The following MACROH2A2 variants were observed in gnomAD, a reference collection of about 807,000 sequenced individuals.
The protein encoded by MACROH2A2 is macroH2A.2 histone.
A neutral mutation model predicts 37.6 loss-of-function variants in MACROH2A2; 6 were observed. The ratio of observed to expected loss-of-function variants is 0.16; its 90% CI spans 0.09 to 0.32. The LOEUF is 0.32. MACROH2A2 is among the 10% of genes least tolerant of loss of function. The probability of loss-of-function intolerance (pLI) is 1.00; values close to 1 mark genes in which losing one functional copy is unlikely to be tolerated. For synonymous variants in MACROH2A2, 192 were observed against 202.7 expected (o/e 0.95, Z 0.45); for missense variants, 290 against 485.9 (o/e 0.60, Z 3.79).
At chr10:70,055,608 A>G (rs1438018418) in intron 1 of MACROH2A2, among the ~76,000 whole-genome samples, 1 of 152,222 alleles carries the variant, frequency 6.6e-6, no homozygotes, top group East Asian at 1.9e-4. Context: ...AGCCTAGGAG[A>G]TAAAATATAC....
chr10:70,083,531 T>G (rs2072193902), intron 2 of MACROH2A2, among the ~76,000 whole-genome samples: 1 of 151,998 alleles, frequency 6.6e-6, no homozygotes, highest in Admixed American at 6.6e-5. Flanking sequence ...ACACTGCCTC[T>G]GGAAGGCAAC....
chr10:70,082,276 G>A (rs150871171), intron 2 of MACROH2A2, among the ~76,000 whole-genome samples: 2,938 of 152,116 alleles, frequency 0.019, 106 homozygotes, highest in African/African-American at 0.067. Context: ...AAAATTAGCC[G>A]GGTGTGGTGG....
At chr10:70,061,722 GAATGATTTGTTATCCAATAGTAT>G (rs1029337620) in intron 1 of MACROH2A2, among the ~76,000 whole-genome samples, 1 of 152,142 alleles carries the variant, frequency 6.6e-6, no homozygotes, top group African/African-American at 2.4e-5. Flanking sequence ...TTTTAAAAGG[GAATGATTTGTTATCCAATAGTAT>G]AATTTAAATA....
chr10:70,065,120 C>G (rs1034059995), intron 1 of MACROH2A2, among the ~76,000 whole-genome samples: 2 of 151,166 alleles, frequency 1.3e-5, no homozygotes, highest in East Asian at 3.9e-4. Context: ...GACCTTGGCT[C>G]ACTGCAACCT....
intron 1 of MACROH2A2, among the ~76,000 whole-genome samples, chr10:70,067,212 ACAGTTTTT>A (rs2072084674): frequency 6.6e-6 from 1 of 152,164 alleles, no homozygotes; most frequent in Non-Finnish European, 1.5e-5. Context: ...TCCCCTAAGC[ACAGTTTTT>A]CAGTTTTTGC....
At chr10:70,081,118 G>C (rs11596821) in intron 2 of MACROH2A2, among the ~76,000 whole-genome samples, 1 of 144,876 alleles carries the variant, frequency 6.9e-6, no homozygotes, top group East Asian at 2.1e-4. Context: ...AGAGTGGATA[G>C]AAATGCTGGA....
intron 3 of MACROH2A2, 46 bp from the exon 4 acceptor site, chr10:70,091,711 A>C: frequency 7.8e-7 from 1 of 1,284,652 alleles, no homozygotes; most frequent in Non-Finnish European, 1.1e-6. Context: ...GAAATTGGGA[A>C]CTAGCAGGCT....
chr10:70,069,790 C>T (rs913630476), intron 1 of MACROH2A2, among the ~76,000 whole-genome samples: 2 of 151,938 alleles, frequency 1.3e-5, no homozygotes, highest in East Asian at 1.9e-4. Flanking sequence ...ACCGAGACTC[C>T]AATTACCAGG....
chr10:70,058,636 T>TTA (rs35874210), intron 1 of MACROH2A2, among the ~76,000 whole-genome samples: 1,824 of 150,114 alleles, frequency 0.012, 14 homozygotes, highest in Middle Eastern at 0.066. Flanking sequence ...ACTGCCAATT[T>TTA]TATATATATA....
chr10:70,064,989 A>G (rs544601988), intron 1 of MACROH2A2, among the ~76,000 whole-genome samples: 1 of 151,578 alleles, frequency 6.6e-6, no homozygotes, highest in African/African-American at 2.4e-5. Flanking sequence ...AAGCTCTTCT[A>G]TCTGCCTATA....
At chr10:70,058,414 G>A (rs1354239944) in intron 1 of MACROH2A2, among the ~76,000 whole-genome samples, 1 of 152,202 alleles carries the variant, frequency 6.6e-6, no homozygotes, top group Non-Finnish European at 1.5e-5. Context: ...GATGTCAGAA[G>A]GGTTAGATAC....
chr10:70,086,293 GAAA>G (rs56120002), intron 2 of MACROH2A2, among the ~76,000 whole-genome samples: 12 of 133,566 alleles, frequency 9.0e-5, no homozygotes, highest in East Asian at 4.2e-4. Flanking sequence ...TCTCTCTAAG[GAAA>G]AAAAAAAAAA....
chr10:70,091,932 C>G lies in MACROH2A2; in HGVS notation c.455C>G (p.Ala152Gly), dbSNP rs757420577. 4 of 1,613,524 alleles carry G rather than the reference C, an allele frequency of 2.5e-6. No homozygotes were observed. In the African/African-American group the frequency reaches 5.3e-5, roughly 22 times the overall value. The change falls in exon 4 of 9, where the codon GCC becomes GGC. Residue 152 changes from alanine to glycine, a missense_variant. Physicochemically the swap from Ala to Gly is moderately conservative, Grantham distance 60. This residue lies in a region of MACROH2A2 where 77 missense variants were observed against 68.9 expected (regional missense o/e 1.12). Transcript: ENST00000373255. ...AAGGGGGGGAAGAAATCCAAGGCTGCCAAACCACGGACGTCCAAAAAGGTA... is the reference window on the plus strand; with the variant it reads ...AAGGGGGGGAAGAAATCCAAGGCTGGCAAACCACGGACGTCCAAAAAGGTA... ...GKKGGKKSKA[A>G]KPRTSKKSKP...
At chr10:70,073,321 G>A (rs1402083680) in intron 1 of MACROH2A2, among the ~76,000 whole-genome samples, 1 of 152,188 alleles carries the variant, frequency 6.6e-6, no homozygotes, top group Non-Finnish European at 1.5e-5. Flanking sequence ...ACCCCTACAA[G>A]TGGATTTATG....
At chr10:70,085,099 C>A (rs2072202847) in intron 2 of MACROH2A2, among the ~76,000 whole-genome samples, 1 of 152,042 alleles carries the variant, frequency 6.6e-6, no homozygotes, top group Non-Finnish European at 1.5e-5. Context: ...GCTGGATGGA[C>A]CCCATGTGGT....
At chr10:70,063,110 AT>A (rs1485015229) in intron 1 of MACROH2A2, among the ~76,000 whole-genome samples, 1 of 152,190 alleles carries the variant, frequency 6.6e-6, no homozygotes, top group Non-Finnish European at 1.5e-5. Context: ...AAAAAAAAAA[AT>A]TAAAATGTGG....
intron 1 of MACROH2A2, among the ~76,000 whole-genome samples, chr10:70,066,989 G>A (rs1178021571): frequency 6.6e-6 from 1 of 152,182 alleles, no homozygotes. Flanking sequence ...CTGAAATGAT[G>A]TCTAGCATTC....
chr10:70,082,135 C>A (rs1223820727), intron 2 of MACROH2A2, among the ~76,000 whole-genome samples: 1 of 152,202 alleles, frequency 6.6e-6, no homozygotes, highest in Non-Finnish European at 1.5e-5. Flanking sequence ...AAAGCAGGGA[C>A]TCGGCCGGGC....
At chr10:70,094,143 G>C (rs2136637138) in intron 5 of MACROH2A2, among the ~76,000 whole-genome samples, 1 of 150,186 alleles carries the variant, frequency 6.7e-6, no homozygotes, top group Admixed American at 6.6e-5. Flanking sequence ...CCACACCCCA[G>C]TTATTTCTAC....
Sources: allele counts gnomAD v4.1 joint callset (sites outside exome capture counted in the v4.1 genomes callset), GRCh38; gene constraint gnomAD v4.1.1; regional missense constraint gnomAD v4.1.1; transcripts MANE v1.5; gene names NCBI Gene and HGNC (gene_info 2026-07-23, HGNC 2026-07-21).